The following NAV3 variants were observed in gnomAD, a reference collection of about 807,000 sequenced individuals.
The protein encoded by NAV3 is pore membrane and/or filament interacting like protein 1.
A neutral mutation model predicts 244.7 loss-of-function variants in NAV3; 87 were observed. The observed-to-expected ratio is 0.36, with a 90% CI of 0.30 to 0.42. The LOEUF (loss-of-function observed/expected upper bound fraction) is 0.42, where lower values mean the gene tolerates loss of function less well. Among genes scored for constraint, NAV3 ranks in the 20% least tolerant of loss-of-function variants. The pLI, the probability that NAV3 is intolerant of heterozygous loss-of-function variation, is 1.00. For synonymous variants in NAV3, 1,126 were observed against 1,042.2 expected (o/e 1.08, Z -1.55); for missense variants, 2,663 against 2,893.3 (o/e 0.92, Z 1.83).
At chr12:78,014,954 G>A (rs1380742635) in intron 8 of NAV3, among the ~76,000 whole-genome samples, 2 of 152,076 alleles carry the variant, frequency 1.3e-5, no homozygotes, top group Admixed American at 6.6e-5. Context: ...TGCACATCAG[G>A]TAGTGATTTG....
At position 78,177,206 on chromosome 12, in the gene NAV3, T is replaced by A; in HGVS notation, c.5190T>A (p.Ser1730=). The part of the protein sequence containing the change: ...KKSTKPPSSH[S]DIEELTDSSL... ...CCACCAAGCCTCCTTCATCACATTC[T>A]GACATTGAAGAGCTTACTGATTCAT... is the stretch of plus-strand genomic sequence containing the variant. Residue 1730 remains serine, a synonymous_variant, in exon 27 of 40, where the codon TCT becomes TCA. Coordinates refer to ENST00000397909, the MANE Select transcript of NAV3 (RefSeq NM_001024383.2). The A allele has an allele frequency of 6.2e-7, 1 of 1,613,522 alleles. No individual in the cohort carries two copies. Among genetic ancestry groups the A allele is most frequent in the South Asian group, 1.1e-5 (1 of 91,056 alleles).
chr12:77,962,343 A>G (rs532150554), intron 3 of NAV3, among the ~76,000 whole-genome samples: 34 of 152,210 alleles, frequency 2.2e-4, no homozygotes, highest in Non-Finnish European at 4.4e-4. Context: ...CTGCCTACGA[A>G]CCATCTACTT....
chr12:78,009,824 C>T (rs1472607436), intron 8 of NAV3, among the ~76,000 whole-genome samples: 1 of 151,932 alleles, frequency 6.6e-6, no homozygotes, highest in Admixed American at 6.6e-5. Context: ...GAAAATAATC[C>T]CATGTAAAAT....
intron 2 of NAV3, among the ~76,000 whole-genome samples, chr12:77,635,260 A>C (rs112165225): frequency 2.6e-5 from 4 of 151,922 alleles, no homozygotes; most frequent in Non-Finnish European, 4.4e-5. Flanking sequence ...TGGTCTTGCT[A>C]TATTGCCTAG....
chr12:77,579,899 T>G (rs1480673641), intron 2 of NAV3, among the ~76,000 whole-genome samples: 1 of 152,216 alleles, frequency 6.6e-6, no homozygotes, highest in African/African-American at 2.4e-5. Flanking sequence ...TTTTCTCATT[T>G]GTGTTACTTC....
At chr12:77,678,790 G>T (rs1252821249) in intron 2 of NAV3, among the ~76,000 whole-genome samples, 1 of 151,982 alleles carries the variant, frequency 6.6e-6, no homozygotes, top group African/African-American at 2.4e-5. Context: ...ATACCATATG[G>T]TACCCTAAGA....
Position 77,831,696 on chromosome 12 carries a change from G to A in NAV3, c.235G>A (p.Asp79Asn), listed in dbSNP as rs761984188. The change falls in exon 1 of 40, where the codon GAC becomes AAC. Residue 79 changes from aspartate (D) to asparagine (N), a missense_variant. This residue lies in a region of NAV3 where 1,521 missense variants were observed against 1,497.0 expected (regional missense o/e 1.02). Coordinates refer to ENST00000397909, the MANE Select transcript of NAV3 (RefSeq NM_001024383.2). The stretch of plus-strand genomic sequence containing the variant: ...CCAAGGAAAAGCCAAGGAGAAAGAA[G>A]ACAGCAAGGTTAGTTGCTGAAGTTA... The part of the protein sequence containing the change: ...PLQGKAKEKE[D>N]SKIYTDWANH... The A allele has an allele frequency of 1.2e-6, 2 of 1,605,038 alleles. No homozygotes were observed. Among genetic ancestry groups the A allele is most frequent in the Admixed American group, 3.4e-5 (2 of 57,998 alleles).
At chr12:77,691,858 A>C (rs185715841) in intron 2 of NAV3, among the ~76,000 whole-genome samples, 4 of 152,078 alleles carry the variant, frequency 2.6e-5, no homozygotes, top group Admixed American at 2.6e-4. Context: ...ATTTGAACTC[A>C]GATCTGTCAG....
At chr12:77,647,030 C>T (rs1344162883) in intron 2 of NAV3, among the ~76,000 whole-genome samples, 1 of 150,392 alleles carries the variant, frequency 6.6e-6, no homozygotes, top group East Asian at 2.0e-4. Flanking sequence ...CATACACACA[C>T]ACATATATAC....
chr12:78,107,841 T>C (rs1954883145), intron 12 of NAV3, among the ~76,000 whole-genome samples: 1 of 150,878 alleles, frequency 6.6e-6, no homozygotes. Context: ...TAAAGGGAGG[T>C]ATCAAATGTT....
chr12:77,754,241 G>A (rs780836421), intron 2 of NAV3, among the ~76,000 whole-genome samples: 1 of 152,012 alleles, frequency 6.6e-6, no homozygotes, highest in Non-Finnish European at 1.5e-5. Flanking sequence ...GCTGATATTG[G>A]CATGAGATTA....
intron 2 of NAV3, among the ~76,000 whole-genome samples, chr12:77,801,101 T>C (rs959232652): frequency 1.3e-5 from 2 of 152,114 alleles, no homozygotes; most frequent in Non-Finnish European, 2.9e-5. Context: ...GTACAATACT[T>C]AATCTCACAG....
At chr12:77,947,317 T>C (rs1481151526) in intron 3 of NAV3, 1 of 151,522 alleles carries the variant, frequency 6.6e-6, no homozygotes, top group East Asian at 1.9e-4. Flanking sequence ...CTATTCTTAA[T>C]AGTAAAAAAA....
intron 2 of NAV3, among the ~76,000 whole-genome samples, chr12:77,664,773 C>T (rs1273810842): frequency 6.6e-6 from 1 of 152,022 alleles, no homozygotes; most frequent in African/African-American, 2.4e-5. Flanking sequence ...AAAACCTGAC[C>T]TTCAATTTAT....
chr12:78,132,680 C>CT (rs942740046), intron 18 of NAV3, among the ~76,000 whole-genome samples: 11 of 152,026 alleles, frequency 7.2e-5, no homozygotes, highest in African/African-American at 2.2e-4. Flanking sequence ...TTCCTGTAGA[C>CT]TTTTTTTTAT....
chr12:77,949,954 T>C (rs553904533), intron 3 of NAV3, among the ~76,000 whole-genome samples: 1 of 152,228 alleles, frequency 6.6e-6, no homozygotes, highest in Admixed American at 6.6e-5. Context: ...CACTTAGTAA[T>C]ATGGATTTAA....
chr12:77,613,155 A>G (rs984118958), intron 2 of NAV3, among the ~76,000 whole-genome samples: 1 of 152,216 alleles, frequency 6.6e-6, no homozygotes, highest in Non-Finnish European at 1.5e-5. Flanking sequence ...AGCAGCAATT[A>G]TCAATCTCAT....
chr12:77,685,099 T>C (rs1450102453), intron 2 of NAV3, among the ~76,000 whole-genome samples: 1 of 152,208 alleles, frequency 6.6e-6, no homozygotes. Flanking sequence ...TTTAAGATTC[T>C]GAAGCTGAAA....
intron 1 of NAV3, among the ~76,000 whole-genome samples, chr12:77,870,676 G>T (rs1429919764): frequency 6.6e-6 from 1 of 152,008 alleles, no homozygotes; most frequent in Admixed American, 6.6e-5. Flanking sequence ...GAACAGAGTG[G>T]GAAAAAGAGA....
Sources: gnomAD v4.1 joint callset for allele counts (sites outside exome capture counted in the v4.1 genomes callset) on GRCh38, gnomAD v4.1.1 for gene constraint, gnomAD v4.1.1 regional missense constraint, MANE v1.5 for transcripts, NCBI Gene and HGNC (gene_info 2026-07-23, HGNC 2026-07-21) for gene names.